The following STAT5A variants were observed in gnomAD, a reference collection of about 807,000 sequenced individuals.
The protein encoded by STAT5A is epididymis secretory sperm binding protein.
Under a neutral mutation model 100.2 loss-of-function variants are expected in STAT5A, and 26 were observed. The ratio of observed to expected loss-of-function variants is 0.26; its 90% CI spans 0.19 to 0.36. The LOEUF (loss-of-function observed/expected upper bound fraction) is 0.36, where lower values mean the gene tolerates loss of function less well. STAT5A is among the 10% of genes least tolerant of loss of function. The probability of loss-of-function intolerance (pLI) is 1.00; values close to 1 mark genes in which losing one functional copy is unlikely to be tolerated. For synonymous variants in STAT5A, 330 were observed against 424.3 expected (o/e 0.78, Z 2.73); for missense variants, 634 against 1,027.5 (o/e 0.62, Z 5.24).
intron 12 of STAT5A, 52 bp downstream of exon 12, chr17:42,305,754 C>G (rs1251652256): frequency 3.2e-6 from 5 of 1,585,338 alleles, no homozygotes; most frequent in Non-Finnish European, 3.5e-6. Flanking sequence ...TAGGACTCAC[C>G]TGGGGTCAGC....
chr17:42,290,562 C>T (rs150421307), intron 3 of STAT5A, among the ~76,000 whole-genome samples: 80 of 152,178 alleles, frequency 5.3e-4, no homozygotes, highest in African/African-American at 1.7e-3. Flanking sequence ...TTGGAACTCA[C>T]GTATGTTTCC....
chr17:42,306,036 C>T, intron 12 of STAT5A: 1 of 841,718 alleles, frequency 1.2e-6, no homozygotes. Flanking sequence ...CCCCCACCCC[C>T]TGCATCGGTT....
chr17:42,297,241 C>T (rs2080927684), intron 5 of STAT5A, among the ~76,000 whole-genome samples: 1 of 152,174 alleles, frequency 6.6e-6, no homozygotes, highest in Non-Finnish European at 1.5e-5. Flanking sequence ...CCAGCCAATA[C>T]TGACAGGATA....
intron 3 of STAT5A, among the ~76,000 whole-genome samples, chr17:42,291,219 G>A (rs1465264147): frequency 6.6e-6 from 1 of 152,200 alleles, no homozygotes; most frequent in East Asian, 1.9e-4. Flanking sequence ...CAGTGCCATT[G>A]CTGATCTGAC....
At chr17:42,299,604 C>G in intron 5 of STAT5A, 147 bp from the exon 6 acceptor site, 1 of 1,362,670 alleles carries the variant, frequency 7.3e-7, no homozygotes, top group Non-Finnish European at 9.9e-7. Context: ...TCATCTTGGC[C>G]CCCCTGGCTG....
chr17:42,305,143 T>G (rs2081015853), intron 11 of STAT5A, among the ~76,000 whole-genome samples: 1 of 152,170 alleles, frequency 6.6e-6, no homozygotes, highest in African/African-American at 2.4e-5. Flanking sequence ...AAGGCTGCAG[T>G]GAGCTGTGAT....
Position 42,294,078 on chromosome 17 carries a change from T to C in STAT5A, c.376-1541T>C, listed in dbSNP as rs560870716. Among the ~76,000 whole-genome samples the C allele has an allele frequency of 2.0e-5, 3 of 152,066 alleles. No individual in the cohort carries two copies. The East Asian group carries it at 5.8e-4, about 29-fold the overall frequency. On this transcript the variant is annotated intron_variant, in intron 4 of 18. Coordinates refer to ENST00000590949, the MANE Select transcript of STAT5A (RefSeq NM_001288718.2). ...AAAAAATACAAAAATTAGCTAGGCG[T>C]GGTGGCGGGCGCCTGTAATCCTAGC...
At chr17:42,290,600 G>A (rs1181561568) in intron 3 of STAT5A, among the ~76,000 whole-genome samples, 3 of 152,092 alleles carry the variant, frequency 2.0e-5, no homozygotes, top group Admixed American at 1.3e-4. Flanking sequence ...CAGACAGCAG[G>A]GTGCCAGGGA....
chr17:42,299,963 A>G, intron 6 of STAT5A, 82 bp downstream of exon 6: 6 of 1,473,822 alleles, frequency 4.1e-6, no homozygotes, highest in Non-Finnish European at 5.5e-6. Flanking sequence ...TGGGACCAGC[A>G]TGAGAGCAGA....
chr17:42,291,926 G>T (rs1280878796), intron 3 of STAT5A, 46 bp from the exon 4 acceptor site: 2 of 1,603,446 alleles, frequency 1.2e-6, no homozygotes, highest in Admixed American at 1.7e-5. Flanking sequence ...GGCTGGCATG[G>T]CTGGAGCAGA....
Position 42,304,662 on chromosome 17 carries a change from C to G in STAT5A, c.1380+10C>G. ...TGTGTTCCAGGTGAAGGTGAGACCC[C>G]CAGCCCTCCTGCCCCCACTGCTCCA... On this transcript the variant is annotated intron_variant, in intron 11 of 18. Coordinates refer to ENST00000590949, the MANE Select transcript of STAT5A (RefSeq NM_001288718.2). This position sits in a 1 kb window ranked among gnomAD's most constrained non-coding sequence, Gnocchi z 4.8. 1 of 1,613,862 alleles carries G rather than the reference C, an allele frequency of 6.2e-7. No individual in the cohort carries two copies. The highest frequency in any genetic ancestry group is 8.5e-7 in the Non-Finnish European group (1 of 1,179,884).
rs1243806761 is a variant in STAT5A at position 42,311,491 on chromosome 17, G to C, written c.*822G>C. The C allele has an allele frequency of 3.3e-5, 5 of 152,436 alleles. No individual in the cohort carries two copies. The highest frequency in any genetic ancestry group is 9.6e-5 in the African/African-American group (4 of 41,544). The allele number at this position is 152,436 out of a possible 1,614,324, so 9.4% of individuals were successfully genotyped here. On this transcript the variant is annotated 3_prime_UTR_variant, in exon 19 of 19. Transcript: ENST00000590949. ...CTCTGTTTGTAACCTTGTCGACAAA[G>C]AGGTAGAAAAGATTGGGTCTAGGAT...
In STAT5A at chr17:42,308,037, C is replaced by A; in HGVS notation, c.1907-141C>A. On this transcript the variant is annotated intron_variant, in intron 15 of 18. Transcript: ENST00000590949. This position sits in a 1 kb window ranked among gnomAD's most constrained non-coding sequence, Gnocchi z 4.6. ...TGCTGAGTAGAACATCCCGCATCGG[C>A]TTTCTTCCCTACAGGCTGGGGCTGC... 1 of 1,209,858 alleles carries A rather than the reference C, an allele frequency of 8.3e-7. No individual in the cohort carries two copies. The highest frequency in any genetic ancestry group is 1.1e-6 in the Non-Finnish European group (1 of 876,122). 74.9% of individuals were successfully genotyped at this position (1,209,858 alleles called of 1,614,324 possible).
chr17:42,304,725 C>G lies in STAT5A; in HGVS notation c.1380+73C>G. On this transcript the variant is annotated intron_variant, in intron 11 of 18. Transcript: ENST00000590949. This position sits in a 1 kb window ranked among gnomAD's most constrained non-coding sequence, Gnocchi z 4.8. ...GGTGGAGGGGCCTGCCTCAGGACTC[C>G]TGGCAGCAATGCCATCGGACAGCCT... 2 of 1,593,126 alleles carry G rather than the reference C, an allele frequency of 1.3e-6. No individual in the cohort carries two copies. The highest frequency in any genetic ancestry group is 1.7e-6 in the Non-Finnish European group (2 of 1,169,128).
Position 42,310,516 on chromosome 17 carries a change from T to A in STAT5A, c.2232T>A (p.His744Gln), listed in dbSNP as rs1233865390. 1 of 1,614,188 alleles carries A rather than the reference T, an allele frequency of 6.2e-7. No individual in the cohort carries two copies. Among genetic ancestry groups the A allele is most frequent in the South Asian group, 1.1e-5 (1 of 91,080 alleles). The change falls in exon 19 of 19, where the codon CAT becomes CAA. Residue 744 changes from histidine (H) to glutamine (Q), a missense_variant. By Grantham distance (24) the His-to-Gln change is conservative. Transcript: ENST00000590949. ...CCCCTGTCTTTACCAGCCCTGACCATGTACTCGATCAGGATGGAGAATTCG... is the reference window on the plus strand; with the variant it reads ...CCCCTGTCTTTACCAGCCCTGACCAAGTACTCGATCAGGATGGAGAATTCG... Reference protein sequence around the residue: ...PYNMYPQNPDHVLDQDGEFDL... With the variant: ...PYNMYPQNPDQVLDQDGEFDL...
At chr17:42,296,109 A>G (rs1479388721) in intron 5 of STAT5A, among the ~76,000 whole-genome samples, 1 of 152,232 alleles carries the variant, frequency 6.6e-6, no homozygotes, top group Admixed American at 6.5e-5. Context: ...GATCTCAACT[A>G]GAGATATATC....
intron 18 of STAT5A, 73 bp from the exon 19 acceptor site, chr17:42,310,434 T>C: frequency 6.5e-7 from 1 of 1,548,476 alleles, no homozygotes; most frequent in Non-Finnish European, 8.9e-7. Context: ...GAGAGCAGGC[T>C]GGAGGCTGTC....
At position 42,288,764 on chromosome 17, in the gene STAT5A, GGGGACA is replaced by G. The variant is rs2080838481; in HGVS notation, c.-11+170_-11+175del. Among the ~76,000 whole-genome samples the G allele has an allele frequency of 6.6e-6, 1 of 152,214 alleles. No individual in the cohort carries two copies. Among genetic ancestry groups the G allele is most frequent in the Non-Finnish European group, 1.5e-5 (1 of 68,034 alleles). ...GCGCAGACGAGGGACGGGGGGACGT[GGGGACA>G]GGGGTCGGGGATGAAAGGCAGAGGC... On this transcript the variant is annotated intron_variant, in intron 1 of 18. Coordinates refer to ENST00000590949, the MANE Select transcript of STAT5A (RefSeq NM_001288718.2). This position sits in a 1 kb window ranked among gnomAD's most constrained non-coding sequence, Gnocchi z 4.8.
chr17:42,307,310 G>A, intron 13 of STAT5A, 92 bp from the exon 14 acceptor site: 6 of 1,295,692 alleles, frequency 4.6e-6, no homozygotes, highest in Non-Finnish European at 6.5e-6. Flanking sequence ...AGAACTGGGA[G>A]AAGACTGGGT....
Sources: allele counts gnomAD v4.1 joint callset (sites outside exome capture counted in the v4.1 genomes callset), GRCh38; gene constraint gnomAD v4.1.1; non-coding constraint Gnocchi (gnomAD v3.1); transcripts MANE v1.5; gene names NCBI Gene and HGNC (gene_info 2026-07-23, HGNC 2026-07-21).